The following AGBL4 variants were observed in gnomAD, a reference collection of about 807,000 sequenced individuals.
AGBL4 encodes the protein AGBL carboxypeptidase 4.
AGBL4 carries 58 observed loss-of-function variants against 66.4 expected under a neutral mutation model. The ratio of observed to expected loss-of-function variants is 0.87; its 90% CI spans 0.71 to 1.09. The LOEUF (loss-of-function observed/expected upper bound fraction) is 1.09, where lower values mean the gene tolerates loss of function less well. AGBL4 is among the 50% of genes least tolerant of loss of function. The pLI, the probability that AGBL4 is intolerant of heterozygous loss-of-function variation, is 0.00. For synonymous variants in AGBL4, 234 were observed against 222.9 expected (o/e 1.05, Z -0.44); for missense variants, 579 against 631.0 (o/e 0.92, Z 0.88).
intron 5 of AGBL4, among the ~76,000 whole-genome samples, chr1:48,925,438 T>C (rs553310682): frequency 6.6e-6 from 1 of 152,316 alleles, no homozygotes; most frequent in Non-Finnish European, 1.5e-5. Flanking sequence ...CCACAGGCCA[T>C]ATGCAGCCCA....
intron 3 of AGBL4, among the ~76,000 whole-genome samples, chr1:49,669,627 C>T (rs895959541): frequency 6.6e-6 from 1 of 152,008 alleles, no homozygotes; most frequent in Non-Finnish European, 1.5e-5. Context: ...GTATCAGAAA[C>T]TGCAATGATA....
intron 1 of AGBL4, among the ~76,000 whole-genome samples, chr1:49,969,422 C>T (rs1657864113): frequency 6.6e-6 from 1 of 151,972 alleles, no homozygotes; most frequent in African/African-American, 2.4e-5. Flanking sequence ...AAGTATACAA[C>T]ACAGTATTAT....
At chr1:49,123,555 C>T (rs1645705086) in intron 4 of AGBL4, among the ~76,000 whole-genome samples, 2 of 152,138 alleles carry the variant, frequency 1.3e-5, no homozygotes, top group Non-Finnish European at 2.9e-5. Context: ...ATCAATATGG[C>T]AGATAACAAA....
rs1249005366 is a variant in AGBL4 at position 49,832,509 on chromosome 1, C to A, written c.157+18887G>T. On this transcript the variant is annotated intron_variant, in intron 2 of 13. Transcript: ENST00000371839. ...TGATTTATAGTCATTTGGGTATATA[C>A]CCAGTAATGGGATGGCTGGGTCAAA... 1.3e-5 allele frequency among the ~76,000 whole-genome samples: 2 copies of A among 151,294 alleles called. 1 individual carries two copies. Among genetic ancestry groups the A allele is most frequent in the Non-Finnish European group, 3.0e-5 (2 of 67,730 alleles).
intron 2 of AGBL4, among the ~76,000 whole-genome samples, chr1:49,763,901 C>A (rs1371333826): frequency 1.3e-5 from 2 of 152,234 alleles, no homozygotes. Flanking sequence ...TGAGGAGTGG[C>A]CAGACTATAC....
Position 49,789,235 on chromosome 1 carries a change from C to T in AGBL4, c.157+62161G>A, listed in dbSNP as rs150246205. Among the ~76,000 whole-genome samples the T allele has an allele frequency of 7.6e-4, 116 of 152,156 alleles. 1 individual carries two copies. The highest frequency in any genetic ancestry group is 1.7e-3 in the South Asian group (8 of 4,814). On this transcript the variant is annotated intron_variant, in intron 2 of 13. Coordinates refer to ENST00000371839, the MANE Select transcript of AGBL4 (RefSeq NM_032785.4). Reference sequence around the variant, plus strand: ...AAGCTTTTTAATGTGCTGCTGGATTCGATGTGCCAGTATTTTATTGAGGAT... The same window carrying T: ...AAGCTTTTTAATGTGCTGCTGGATTTGATGTGCCAGTATTTTATTGAGGAT...
intron 3 of AGBL4, among the ~76,000 whole-genome samples, chr1:49,360,692 T>C: frequency 6.6e-6 from 1 of 152,354 alleles, no homozygotes; most frequent in South Asian, 2.1e-4. Context: ...CTCTATTATA[T>C]TTCAATAATT....
chr1:49,677,436 C>T (rs546277559), intron 3 of AGBL4, among the ~76,000 whole-genome samples: 2 of 151,992 alleles, frequency 1.3e-5, no homozygotes, highest in Admixed American at 6.6e-5. Context: ...CTTTGTACCA[C>T]TGGAAAAAAC....
chr1:49,971,907 G>GTTGTTGTTTTTTTTTTT, intron 1 of AGBL4, among the ~76,000 whole-genome samples: 1 of 23,428 alleles, frequency 4.3e-5, no homozygotes, highest in East Asian at 1.4e-3. Context: ...GTTTTTTTGG[G>GTTGTTGTTTTTTTTTTT]TTTTTTTTTT....
intron 7 of AGBL4, among the ~76,000 whole-genome samples, chr1:48,659,331 G>A (rs1646070866): frequency 6.6e-6 from 1 of 152,160 alleles, no homozygotes; most frequent in African/African-American, 2.4e-5. Flanking sequence ...CCCCTAGCTA[G>A]ATGGAAATGG....
At chr1:48,647,492 C>T in intron 8 of AGBL4, 1 of 321,632 alleles carries the variant, frequency 3.1e-6, no homozygotes, top group South Asian at 2.4e-5. Context: ...TGAGGCTGTA[C>T]CTGGTAATTA....
chr1:48,580,123 G>C (rs557645281), intron 11 of AGBL4, among the ~76,000 whole-genome samples: 1 of 152,142 alleles, frequency 6.6e-6, no homozygotes, highest in Non-Finnish European at 1.5e-5. Context: ...CTTCAGACAT[G>C]AGAGCCAGTG....
At position 48,701,609 on chromosome 1, in the gene AGBL4, T is replaced by C. The variant is rs115908701; in HGVS notation, c.635-38368A>G. On this transcript the variant is annotated intron_variant, in intron 6 of 13. Coordinates refer to ENST00000371839, the MANE Select transcript of AGBL4 (RefSeq NM_032785.4). The stretch of plus-strand genomic sequence containing the variant: ...CACACACAGCCACATCCAACCCAGG[T>C]TGTTTTTAGCATCAAGTTAGATAAT... 6.0e-3 allele frequency among the ~76,000 whole-genome samples: 920 copies of C among 152,260 alleles called. 9 individuals carry two copies. Among genetic ancestry groups the C allele is most frequent in the African/African-American group, 0.022 (895 of 41,554 alleles).
intron 3 of AGBL4, among the ~76,000 whole-genome samples, chr1:49,554,323 T>C (rs933886080): frequency 6.6e-6 from 1 of 152,174 alleles, no homozygotes; most frequent in Non-Finnish European, 1.5e-5. Context: ...GGACAAGCAA[T>C]CATCAGCCAA....
intron 6 of AGBL4, among the ~76,000 whole-genome samples, chr1:48,830,761 A>G (rs568031035): frequency 6.6e-6 from 1 of 152,242 alleles, no homozygotes; most frequent in Non-Finnish European, 1.5e-5. Flanking sequence ...GCTTTTGGGA[A>G]TAGATCATAA....
At chr1:48,558,646 C>G (rs1644355667) in intron 11 of AGBL4, among the ~76,000 whole-genome samples, 2 of 152,230 alleles carry the variant, frequency 1.3e-5, no homozygotes, top group South Asian at 4.1e-4. Flanking sequence ...AGCCAATTTG[C>G]TTCTAGCAGG....
At chr1:49,437,682 T>C (rs1645932316) in intron 3 of AGBL4, among the ~76,000 whole-genome samples, 1 of 152,150 alleles carries the variant, frequency 6.6e-6, no homozygotes, top group Non-Finnish European at 1.5e-5. Context: ...TGTGTGAAAG[T>C]TGGAGGAAAG....
Position 48,811,858 on chromosome 1 carries a change from T to C in AGBL4, c.634+55333A>G, listed in dbSNP as rs1191843226. On this transcript the variant is annotated intron_variant, in intron 6 of 13. Coordinates refer to ENST00000371839, the MANE Select transcript of AGBL4 (RefSeq NM_032785.4). ...CCTGCTAGAGGGGTTGACACAGCAG[T>C]GTCCAGGGCATGGCTATCTCTGATC... Among the ~76,000 whole-genome samples the C allele has an allele frequency of 2.6e-5, 4 of 152,128 alleles. No individual in the cohort carries two copies. In the East Asian group the frequency reaches 7.7e-4, roughly 29 times the overall value.
At position 49,360,227 on chromosome 1, in the gene AGBL4, G is replaced by T. The variant is rs532197190; in HGVS notation, c.283-114363C>A. Among the ~76,000 whole-genome samples, 4 of 152,278 alleles carry T rather than the reference G, an allele frequency of 2.6e-5. No individual in the cohort carries two copies. The South Asian group carries it at 8.3e-4, about 32-fold the overall frequency. On this transcript the variant is annotated intron_variant, in intron 3 of 13. Coordinates refer to ENST00000371839, the MANE Select transcript of AGBL4 (RefSeq NM_032785.4). ...TCTGAAGTCAGAGAGCCCTATTTTAGAATATACTTTCTGCTATTAACTAGC... is the reference window on the plus strand; with the variant it reads ...TCTGAAGTCAGAGAGCCCTATTTTATAATATACTTTCTGCTATTAACTAGC...
Sources: allele counts gnomAD v4.1 joint callset (sites outside exome capture counted in the v4.1 genomes callset), GRCh38; gene constraint gnomAD v4.1.1; transcripts MANE v1.5; gene names NCBI Gene and HGNC (gene_info 2026-07-23, HGNC 2026-07-21).